PCM1: variants seen among roughly 807,000 people sequenced by gnomAD.
The protein encoded by PCM1 is pericentriolar material 1.
PCM1 carries 157 observed loss-of-function variants against 241.9 expected under a neutral mutation model. That is an observed-to-expected ratio of 0.65 (90% CI 0.57 to 0.74). PCM1 has a LOEUF of 0.74. Ranked by LOEUF, PCM1 falls within the 30% of genes least tolerant of loss-of-function variation. PCM1 has a pLI of 0.00. For synonymous variants in PCM1, 1,085 were observed against 784.9 expected, an observed-to-expected ratio of 1.38 and a Z score of -6.39; for missense variants, 3,478 against 2,360.1, an observed-to-expected ratio of 1.47 and a Z score of -9.81.
At chr8:17,994,785 T>C (rs1408344716) in intron 29 of PCM1, among the ~76,000 whole-genome samples, 6 of 147,084 alleles carry the variant, frequency 4.1e-5, no homozygotes, top group Non-Finnish European at 5.9e-5. Flanking sequence ...ATTTCCGTGA[T>C]CATGTTGAGC....
chr8:17,991,513 C>T, intron 27 of PCM1, 29 bp from the exon 28 acceptor site: 3 of 1,545,714 alleles, frequency 1.9e-6, no homozygotes, highest in Non-Finnish European at 2.6e-6. Flanking sequence ...CTTTTACATA[C>T]TCAAAAAATA....
chr8:17,941,077 T>C (rs2061878950), intron 6 of PCM1, among the ~76,000 whole-genome samples: 1 of 152,214 alleles, frequency 6.6e-6, no homozygotes, highest in Non-Finnish European at 1.5e-5. Context: ...TGGATTTCTT[T>C]TCTCTACATT....
chr8:18,004,245 T>C (rs1025208336), intron 29 of PCM1, among the ~76,000 whole-genome samples: 1 of 152,194 alleles, frequency 6.6e-6, no homozygotes, highest in African/African-American at 2.4e-5. Context: ...CTGTGAAATG[T>C]TTAAAAAGTC....
At chr8:17,980,792 T>C (rs1186850042) in intron 24 of PCM1, 37 bp downstream of exon 24, 19 of 1,492,592 alleles carry the variant, frequency 1.3e-5, no homozygotes, top group Non-Finnish European at 1.6e-5. Context: ...TATAAGGAGG[T>C]TTTCAGCTTA....
Position 17,937,098 on chromosome 8 carries a change from C to T in PCM1, c.97-36C>T, listed in dbSNP as rs528130444. On this transcript the variant is annotated intron_variant, in intron 3 of 38. Coordinates refer to ENST00000325083, the MANE Select transcript of PCM1 (RefSeq NM_006197.4). ...ACCAATCTATTTTCCTGGTTTGATA[C>T]AGGCCATGTTAATTTTTGCTTTTAC... 17 of 1,498,876 alleles carry T rather than the reference C, an allele frequency of 1.1e-5. No individual in the cohort carries two copies. In the South Asian group the frequency reaches 1.7e-4, roughly 15 times the overall value. 92.8% of individuals were successfully genotyped at this position (1,498,876 alleles called of 1,614,324 possible).
At chr8:17,999,907 G>C (rs13256296) in intron 29 of PCM1, among the ~76,000 whole-genome samples, 16,157 of 152,076 alleles carry the variant, frequency 0.11, 1,180 homozygotes, top group East Asian at 0.38. Flanking sequence ...TGCCAGGTTT[G>C]GCAGACCTAG....
intron 29 of PCM1, among the ~76,000 whole-genome samples, chr8:17,994,354 T>C (rs964287797): frequency 4.8e-4 from 73 of 152,354 alleles, no homozygotes; most frequent in African/African-American, 1.6e-3. Flanking sequence ...TTGTTGCAGA[T>C]GACAAGGTCT....
At position 18,022,571 on chromosome 8, in the gene PCM1, C is replaced by T. The variant is rs140559597; in HGVS notation, c.5842-2790C>T. On this transcript the variant is annotated intron_variant, in intron 36 of 38. Transcript: ENST00000325083. Reference sequence around the variant, plus strand: ...GTTGATATTTATGGTTGACTGACTTCGCACTGGGAAGAAGTTACAGAAGCA... The same window carrying T: ...GTTGATATTTATGGTTGACTGACTTTGCACTGGGAAGAAGTTACAGAAGCA... Among the ~76,000 whole-genome samples, 757 of 152,308 alleles carry T rather than the reference C, an allele frequency of 5.0e-3. 6 individuals are homozygous for T. Among genetic ancestry groups the T allele is most frequent in the African/African-American group, 0.017 (699 of 41,554 alleles).
rs752476731 is a variant in PCM1 at position 17,969,628 on chromosome 8, A to C, written c.3464A>C (p.Asn1155Thr). 6.8e-6 allele frequency: 11 copies of C among 1,611,682 alleles called. No individual in the cohort carries two copies. The East Asian group carries it at 2.5e-4, about 36-fold the overall frequency. The change falls in exon 22 of 39, where the codon AAT (asparagine) becomes ACT (threonine). Residue 1155 changes from asparagine (N) to threonine (T), a missense_variant. Coordinates refer to ENST00000325083, the MANE Select transcript of PCM1 (RefSeq NM_006197.4). The part of the protein sequence containing the change: ...FPSNFGDFSQ[N>T]ISTPSEQQQP... ...TCTAATTTTGGAGATTTTTCTCAGA[A>C]TATCTCTACACCCAGTGAACAGCAG...
At position 17,957,598 on chromosome 8, in the gene PCM1, TGAG is replaced by T. The variant is rs556667613; in HGVS notation, c.1875_1877del (p.Glu627del). On this transcript the variant is annotated inframe_deletion, in exon 13 of 39. Coordinates refer to ENST00000325083, the MANE Select transcript of PCM1 (RefSeq NM_006197.4). ...TTCATGTTGCACAAGGTGAAGATGA[TGAG>T]GAGGAGGAGGAAGAAGCAGAAGAGG... 4.7e-4 allele frequency: 735 copies of T among 1,573,460 alleles called. 8 individuals are homozygous for T. The highest frequency in any genetic ancestry group is 4.3e-3 in the African/African-American group (319 of 73,886).
Position 17,937,364 on chromosome 8 carries a change from C to G in PCM1, c.327C>G (p.Phe109Leu), listed in dbSNP as rs201776854. The change falls in exon 4 of 39, where the codon TTC (phenylalanine) becomes TTG (leucine). Residue 109 changes from phenylalanine to leucine, a missense_variant. Phe to Leu is a conservative substitution (Grantham distance 22). Transcript: ENST00000325083. ...ELEKLKQRIN[F>L]SDLDQRSIGS... Reference sequence around the variant, plus strand: ...AGAAACTGAAACAGCGGATAAACTTCAGTGATTTAGATCAGGTTTGTGAAT... The same window carrying G: ...AGAAACTGAAACAGCGGATAAACTTGAGTGATTTAGATCAGGTTTGTGAAT... 2.7e-4 allele frequency: 429 copies of G among 1,596,552 alleles called. 2 individuals carry two copies. The highest frequency in any genetic ancestry group is 4.9e-4 in the Middle Eastern group (3 of 6,062).
chr8:18,004,839 C>T lies in PCM1; in HGVS notation c.4828-1424C>T, dbSNP rs79473213. ...ATATTCTTACCTTTTGCTTAGACTA[C>T]CTGTCGTAATAGGCATGAAGTGCAT... On this transcript the variant is annotated intron_variant, in intron 29 of 38. Coordinates refer to ENST00000325083, the MANE Select transcript of PCM1 (RefSeq NM_006197.4). Among the ~76,000 whole-genome samples the T allele has an allele frequency of 8.3e-3, 1,261 of 152,248 alleles. 9 individuals are homozygous for T. Among genetic ancestry groups the T allele is most frequent in the Non-Finnish European group, 0.013 (897 of 67,994 alleles).
rs767346726 is a variant in PCM1 at position 17,956,747 on chromosome 8, A to G, written c.1616A>G (p.His539Arg). Residue 539 changes from histidine (H) to arginine (R), a missense_variant, in exon 11 of 39, where the codon CAT becomes CGT. Physicochemically the swap from His to Arg is conservative, Grantham distance 29. Coordinates refer to ENST00000325083, the MANE Select transcript of PCM1 (RefSeq NM_006197.4). ...GAAGAGTCAGAATATGATTCTGAGCATGAAAATTCCGAGCCTGTTACTAAC... is the reference window on the plus strand; with the variant it reads ...GAAGAGTCAGAATATGATTCTGAGCGTGAAAATTCCGAGCCTGTTACTAAC... ...ETEESEYDSE[H>R]ENSEPVTNIR... is the part of the protein sequence containing the mutation. 5.0e-6 allele frequency: 8 copies of G among 1,608,870 alleles called. No individual in the cohort carries two copies. Among genetic ancestry groups the G allele is most frequent in the Middle Eastern group, 1.6e-4 (1 of 6,074 alleles).
chr8:18,016,316 T>G lies in PCM1; in HGVS notation c.5841+1476T>G, dbSNP rs75527492. Among the ~76,000 whole-genome samples, 1,166 of 152,304 alleles carry G rather than the reference T, an allele frequency of 7.7e-3. 11 individuals carry two copies. The highest frequency in any genetic ancestry group is 0.026 in the African/African-American group (1,076 of 41,562). ...AGGGTATTATGGGTTCATTAACACCTAAAGACTCTGGGACCCCTCTTTCTA... is the reference window on the plus strand; with the variant it reads ...AGGGTATTATGGGTTCATTAACACCGAAAGACTCTGGGACCCCTCTTTCTA... On this transcript the variant is annotated intron_variant, in intron 36 of 38. Coordinates refer to ENST00000325083, the MANE Select transcript of PCM1 (RefSeq NM_006197.4).
intron 36 of PCM1, 90 bp from the exon 37 acceptor site, chr8:18,025,271 A>T: frequency 1.4e-6 from 1 of 721,862 alleles, no homozygotes; most frequent in Non-Finnish European, 2.4e-6. Context: ...GAAATGTGAT[A>T]GAATTACTGA....
chr8:18,007,621 T>G (rs1251443824), intron 30 of PCM1, among the ~76,000 whole-genome samples: 1 of 152,230 alleles, frequency 6.6e-6, no homozygotes, highest in East Asian at 1.9e-4. Flanking sequence ...TGCTTTTCTT[T>G]CATCCCGTTC....
chr8:17,928,155 T>C (rs2057736211), intron 2 of PCM1, among the ~76,000 whole-genome samples: 1 of 152,352 alleles, frequency 6.6e-6, no homozygotes, highest in South Asian at 2.1e-4. Context: ...TCTTACTGTC[T>C]TTCTGTTTAA....
At position 17,947,260 on chromosome 8, in the gene PCM1, G is replaced by C; in HGVS notation, c.858G>C (p.Met286Ile). 6.2e-7 allele frequency: 1 copy of C among 1,611,074 alleles called. No homozygotes were observed. The change falls in exon 7 of 39, where the codon ATG becomes ATC. Residue 286 changes from methionine (M) to isoleucine (I), a missense_variant. By Grantham distance (10) the Met-to-Ile change is conservative (BLOSUM62 1). Coordinates refer to ENST00000325083, the MANE Select transcript of PCM1 (RefSeq NM_006197.4). ...LKKQHDLLKR[M>I]LQQQEQLRAL... ...AACAACATGATTTATTAAAAAGAAT[G>C]TTACAACAGCAGGAGCAACTAAGAG...
At chr8:18,020,050 G>C (rs2093634465) in intron 36 of PCM1, among the ~76,000 whole-genome samples, 1 of 152,176 alleles carries the variant, frequency 6.6e-6, no homozygotes, top group African/African-American at 2.4e-5. Context: ...CTCTGTCCCA[G>C]AGCTTTGCCA....
Sources: gnomAD v4.1 joint callset for allele counts (sites outside exome capture counted in the v4.1 genomes callset) on GRCh38, gnomAD v4.1.1 for gene constraint, MANE v1.5 for transcripts, NCBI Gene and HGNC (gene_info 2026-07-23, HGNC 2026-07-21) for gene names.